The following KCNQ1 variants were observed in gnomAD, a reference collection of about 807,000 sequenced individuals.
KCNQ1 encodes potassium voltage-gated channel subfamily Q member 1, also known as potassium voltage-gated channel subfamily KQT member 1.
Under a neutral mutation model 72.4 loss-of-function variants are expected in KCNQ1, and 49 were observed. The ratio of observed to expected loss-of-function variants is 0.68; its 90% CI spans 0.54 to 0.86. The LOEUF is 0.86. Among genes scored for constraint, KCNQ1 ranks in the 40% least tolerant of loss-of-function variants. The pLI is 0.00. For synonymous variants in KCNQ1, 450 were observed against 412.6 expected (o/e 1.09, Z -1.10); for missense variants, 790 against 945.1 (o/e 0.84, Z 2.15).
intron 15 of KCNQ1, among the ~76,000 whole-genome samples, chr11:2,812,684 A>G (rs1288562741): frequency 1.3e-5 from 2 of 152,160 alleles, no homozygotes; most frequent in Non-Finnish European, 2.9e-5. Context: ...TGCCTGCTCA[A>G]GCCCCCCATG....
At position 2,653,685 on chromosome 11, in the gene KCNQ1, G is replaced by A; in HGVS notation, c.1394-8276G>A. ...CACCAGCTTGCATTCAACAGCTCAG[G>A]AAGCCCAGCAGAACGAGGTCATCTC... On this transcript the variant is annotated intron_variant, in intron 10 of 15. Transcript: ENST00000155840. The surrounding 1 kb of genome is among the most constrained non-coding windows in gnomAD (Gnocchi z 5.3). 2.5e-6 allele frequency: 1 copy of A among 398,690 alleles called. No homozygotes were observed. Among genetic ancestry groups the A allele is most frequent in the Non-Finnish European group, 4.4e-6 (1 of 226,122 alleles). The allele number at this position is 398,690 out of a possible 1,614,324, so 24.7% of individuals were successfully genotyped here.
At chr11:2,821,275 G>C (rs1021629409) in intron 15 of KCNQ1, among the ~76,000 whole-genome samples, 1 of 152,238 alleles carries the variant, frequency 6.6e-6, no homozygotes, top group Non-Finnish European at 1.5e-5. Context: ...GAGGCCCCGC[G>C]TGGGGCAGGA....
At chr11:2,646,518 G>T in intron 10 of KCNQ1, 2 of 398,568 alleles carry the variant, frequency 5.0e-6, no homozygotes, top group South Asian at 2.5e-4. Context: ...AAATGCTACT[G>T]ATTTTTTGGG....
rs1317188668 is a variant in KCNQ1, at chr11:2,526,028, C to G, written c.387-1900C>G. On this transcript the variant is annotated intron_variant, in intron 1 of 15. Coordinates refer to ENST00000155840, the MANE Select transcript of KCNQ1 (RefSeq NM_000218.3). The surrounding 1 kb of genome is among the most constrained non-coding windows in gnomAD (Gnocchi z 6.1). ...GTCAGACATCAGAGCTGGCCTCTGC[C>G]TATGAGACAGGGCCCGCTGGCAGGA... Among the ~76,000 whole-genome samples the G allele has an allele frequency of 6.6e-6, 1 of 152,138 alleles. No homozygotes were observed. Among genetic ancestry groups the G allele is most frequent in the African/African-American group, 2.4e-5 (1 of 41,412 alleles).
Position 2,647,620 on chromosome 11 carries a change from G to A in KCNQ1, c.1394-14341G>A. ...TGGTAGAATTCAGTAGAAAACCCGT[G>A]CAATCCTGAGGTTTTCTTTACTGGG... On this transcript the variant is annotated intron_variant, in intron 10 of 15. Transcript: ENST00000155840. This position sits in a 1 kb window ranked among gnomAD's most constrained non-coding sequence, Gnocchi z 4.0. The A allele has an allele frequency of 2.5e-6, 1 of 398,492 alleles. No individual in the cohort carries two copies. Among genetic ancestry groups the A allele is most frequent in the Non-Finnish European group, 4.4e-6 (1 of 226,010 alleles). The allele number at this position is 398,492 out of a possible 1,614,324, so 24.7% of individuals were successfully genotyped here.
In KCNQ1 at chr11:2,451,323, G is replaced by C. The variant is rs1478726759; in HGVS notation, c.386+5839G>C. ...AGTTCACAATAGGATTTGTGCTCCT[G>C]TGAGAATCTAATGCCACCGCTGATC... On this transcript the variant is annotated intron_variant, in intron 1 of 15. Transcript: ENST00000155840. This position sits in a 1 kb window ranked among gnomAD's most constrained non-coding sequence, Gnocchi z 6.4. 6.6e-6 allele frequency among the ~76,000 whole-genome samples: 1 copy of C among 152,216 alleles called. No homozygotes were observed. Among genetic ancestry groups the C allele is most frequent in the African/African-American group, 2.4e-5 (1 of 41,462 alleles).
Position 2,515,509 on chromosome 11 carries a change from C to T in KCNQ1, c.387-12419C>T, listed in dbSNP as rs955634971. Among the ~76,000 whole-genome samples the T allele has an allele frequency of 2.0e-5, 3 of 150,720 alleles. No individual in the cohort carries two copies. The highest frequency in any genetic ancestry group is 2.1e-4 in the South Asian group (1 of 4,718). Reference sequence around the variant, plus strand: ...ACCCTCTGCTCCAGGACAGCGCAGCCGCCATCAGTGGGGGTGAGGGGACAA... The same window carrying T: ...ACCCTCTGCTCCAGGACAGCGCAGCTGCCATCAGTGGGGGTGAGGGGACAA... On this transcript the variant is annotated intron_variant, in intron 1 of 15. Transcript: ENST00000155840. The surrounding 1 kb of genome is among the most constrained non-coding windows in gnomAD (Gnocchi z 4.7).
At chr11:2,455,359 A>G (rs942272290) in intron 1 of KCNQ1, among the ~76,000 whole-genome samples, 8 of 152,166 alleles carry the variant, frequency 5.3e-5, no homozygotes, top group Non-Finnish European at 1.2e-4. Flanking sequence ...TGGCCTCCCA[A>G]AGTGCTGGGA....
At chr11:2,796,758 C>T (rs368384337) in intron 15 of KCNQ1, among the ~76,000 whole-genome samples, 8 of 152,318 alleles carry the variant, frequency 5.3e-5, no homozygotes, top group Admixed American at 1.3e-4. Flanking sequence ...CCATTCTTCC[C>T]GGCGGCAGCG....
chr11:2,719,765 G>C (rs567640666), intron 11 of KCNQ1, among the ~76,000 whole-genome samples: 1 of 152,342 alleles, frequency 6.6e-6, no homozygotes, highest in East Asian at 1.9e-4. Flanking sequence ...TGTTGGGTTG[G>C]AGAATGGGCC....
chr11:2,483,848 C>T lies in KCNQ1; in HGVS notation c.386+38364C>T, dbSNP rs986421791. On this transcript the variant is annotated intron_variant, in intron 1 of 15. Transcript: ENST00000155840. This position sits in a 1 kb window ranked among gnomAD's most constrained non-coding sequence, Gnocchi z 6.1. ...GCTGTAAATTAACCATTTTCCGCTT[C>T]ATAATTAGTAAACACCTTGAGGAAG... Among the ~76,000 whole-genome samples, 2 of 152,154 alleles carry T rather than the reference C, an allele frequency of 1.3e-5. No homozygotes were observed. Among genetic ancestry groups the T allele is most frequent in the Non-Finnish European group, 2.9e-5 (2 of 68,042 alleles).
intron 1 of KCNQ1, among the ~76,000 whole-genome samples, chr11:2,480,750 G>C (rs1478149552): frequency 1.3e-5 from 2 of 152,224 alleles, no homozygotes; most frequent in East Asian, 3.9e-4. Context: ...GAGACCTGTA[G>C]TGTGCATGTC....
rs1369627840 is a variant in KCNQ1 at position 2,830,007 on chromosome 11, AAGG to A, written c.1795-17752_1795-17750del. On this transcript the variant is annotated intron_variant, in intron 15 of 15. Coordinates refer to ENST00000155840, the MANE Select transcript of KCNQ1 (RefSeq NM_000218.3). This position sits in a 1 kb window ranked among gnomAD's most constrained non-coding sequence, Gnocchi z 7.7. Reference sequence around the variant, plus strand: ...GGAGGAGGAAGGAAGAGGGAGGAGGAAGGAGGAGGAAGGAGGAGGAAGGAGGAG... The same window carrying A: ...GGAGGAGGAAGGAAGAGGGAGGAGGAAGGAGGAAGGAGGAGGAAGGAGGAG... Among the ~76,000 whole-genome samples, 10 of 84,380 alleles carry A rather than the reference AAGG, an allele frequency of 1.2e-4. No homozygotes were observed. The East Asian group carries it at 6.5e-3, about 55-fold the overall frequency. The allele number at this position is 84,380 out of a possible 152,430, so 55.4% of individuals were successfully genotyped here. A position where few individuals can be genotyped will look rare whatever the true frequency, so the allele number is the denominator to read the frequency against.
chr11:2,795,967 G>C (rs1847120534), intron 15 of KCNQ1, among the ~76,000 whole-genome samples: 1 of 152,124 alleles, frequency 6.6e-6, no homozygotes. Flanking sequence ...TTGGCCCCCT[G>C]CCCCACTCAC....
intron 10 of KCNQ1, chr11:2,648,214 G>C (rs962552402): frequency 5.0e-6 from 2 of 398,006 alleles, no homozygotes; most frequent in African/African-American, 4.1e-5. Flanking sequence ...CGGGGGGTGG[G>C]GGGGAGGCCT....
At chr11:2,736,912 C>T (rs1388989415) in intron 11 of KCNQ1, among the ~76,000 whole-genome samples, 1 of 152,180 alleles carries the variant, frequency 6.6e-6, no homozygotes, top group Non-Finnish European at 1.5e-5. Flanking sequence ...GGGCCTGCCT[C>T]GGGCTACCCT....
rs1382831679 is a variant in KCNQ1, at chr11:2,468,093, ACT to A, written c.386+22610_386+22611del. Among the ~76,000 whole-genome samples the A allele has an allele frequency of 6.6e-6, 1 of 152,258 alleles. No homozygotes were observed. The highest frequency in any genetic ancestry group is 1.5e-5 in the Non-Finnish European group (1 of 68,038). On this transcript the variant is annotated intron_variant, in intron 1 of 15. Transcript: ENST00000155840. This position sits in a 1 kb window ranked among gnomAD's most constrained non-coding sequence, Gnocchi z 5.7. Reference sequence around the variant, plus strand: ...TGCTTAGACTGTGCCCGGAAAATGCACTGTCTCTCCTGGGCTCCCAACCTTTC... The same window carrying A: ...TGCTTAGACTGTGCCCGGAAAATGCAGTCTCTCCTGGGCTCCCAACCTTTC...
rs1564886392 is a variant in KCNQ1, at chr11:2,768,875, G to A, written c.1546G>A (p.Val516Ile). 6.2e-7 allele frequency: 1 copy of A among 1,614,044 alleles called. No homozygotes were observed. The highest frequency in any genetic ancestry group is 8.5e-7 in the Non-Finnish European group (1 of 1,179,998). Residue 516 changes from valine to isoleucine, a missense_variant, in exon 12 of 16, where the codon GTC becomes ATC. Val to Ile is a conservative substitution (Grantham distance 29). This residue lies in a region of KCNQ1 where 178 missense variants were observed against 177.9 expected (regional missense o/e 1.00). Coordinates refer to ENST00000155840, the MANE Select transcript of KCNQ1 (RefSeq NM_000218.3). The surrounding 1 kb of genome is among the most constrained non-coding windows in gnomAD (Gnocchi z 6.7). Reference sequence around the variant, plus strand: ...GGAACACCATCGGGCCACCATTAAGGTCATTCGACGCATGCAGTACTTTGT... The same window carrying A: ...GGAACACCATCGGGCCACCATTAAGATCATTCGACGCATGCAGTACTTTGT... The part of the protein sequence containing the change: ...LREHHRATIK[V>I]IRRMQYFVAK...
rs1045771655 is a variant in KCNQ1 at position 2,464,850 on chromosome 11, G to A, written c.386+19366G>A. ...TGGAAGGAGCTGGAGTCCACAGGGC[G>A]CTTCTCTTCTCTTTTCCTGTGTGTT... On this transcript the variant is annotated intron_variant, in intron 1 of 15. Coordinates refer to ENST00000155840, the MANE Select transcript of KCNQ1 (RefSeq NM_000218.3). The surrounding 1 kb of genome is among the most constrained non-coding windows in gnomAD (Gnocchi z 5.0). Among the ~76,000 whole-genome samples the A allele has an allele frequency of 7.9e-5, 12 of 152,160 alleles. No individual in the cohort carries two copies. The highest frequency in any genetic ancestry group is 1.2e-4 in the Non-Finnish European group (8 of 68,020).
Sources: allele counts gnomAD v4.1 joint callset (sites outside exome capture counted in the v4.1 genomes callset), GRCh38; gene constraint gnomAD v4.1.1; regional missense constraint gnomAD v4.1.1; non-coding constraint Gnocchi (gnomAD v3.1); transcripts MANE v1.5; gene names NCBI Gene and HGNC (gene_info 2026-07-23, HGNC 2026-07-21).